The following SPI1 variants were observed in gnomAD, a reference collection of about 807,000 sequenced individuals.
The protein encoded by SPI1 is Spi-1 proto-oncogene.
Under a neutral mutation model 30.7 loss-of-function variants are expected in SPI1, and 3 were observed. That is an observed-to-expected ratio of 0.10 (90% CI 0.04 to 0.25). The LOEUF is 0.25. Ranked by LOEUF, SPI1 falls within the 10% of genes least tolerant of loss-of-function variation. The probability of loss-of-function intolerance (pLI) is 1.00; values close to 1 mark genes in which losing one functional copy is unlikely to be tolerated. For missense variants in SPI1, 261 were observed against 371.5 expected (o/e 0.70, Z 2.45); for synonymous variants, 169 against 157.1 (o/e 1.08, Z -0.56).
Position 47,370,036 on chromosome 11 carries a change from G to A in SPI1, c.142+5597C>T, listed in dbSNP as rs1333232176. ...CATGGTCACCCGGATAGCAATGGAGGAGATGGGGGATGAGTTTCAGCAGCC... is the reference window on the plus strand; with the variant it reads ...CATGGTCACCCGGATAGCAATGGAGAAGATGGGGGATGAGTTTCAGCAGCC... On this transcript the variant is annotated intron_variant, in intron 2 of 4. Transcript: ENST00000378538. Among the ~76,000 whole-genome samples, 6 of 152,228 alleles carry A rather than the reference G, an allele frequency of 3.9e-5. No homozygotes were observed. In the East Asian group the frequency reaches 1.2e-3, roughly 29 times the overall value.
intron 2 of SPI1, among the ~76,000 whole-genome samples, chr11:47,370,879 A>AGTGT (rs57400879): frequency 0.044 from 6,680 of 150,388 alleles, 263 homozygotes; most frequent in South Asian, 0.19. Context: ...GAGAAATGTG[A>AGTGT]GTGTGTGTGT....
At chr11:47,369,951 T>C (rs932163701) in intron 2 of SPI1, among the ~76,000 whole-genome samples, 4 of 152,228 alleles carry the variant, frequency 2.6e-5, no homozygotes, top group Non-Finnish European at 5.9e-5. Context: ...CTTACAGCCA[T>C]CCTGTGAAGT....
intron 4 of SPI1, among the ~76,000 whole-genome samples, chr11:47,356,138 A>G (rs1378227804): frequency 6.7e-6 from 1 of 150,150 alleles, no homozygotes; most frequent in Non-Finnish European, 1.5e-5. Flanking sequence ...CCACTTGCAC[A>G]TTCACACCCA....
Position 47,374,980 on chromosome 11 carries a change from G to A in SPI1, c.142+653C>T, listed in dbSNP as rs913769221. On this transcript the variant is annotated intron_variant, in intron 2 of 4. Transcript: ENST00000378538. The surrounding 1 kb of genome is among the most constrained non-coding windows in gnomAD (Gnocchi z 4.5). ...TTCGGCCCAGCAGTTCCCAATTAGG[G>A]GTGATTTTGCCTCCCGGGGGGATCT... 3.3e-5 allele frequency among the ~76,000 whole-genome samples: 5 copies of A among 152,244 alleles called. No individual in the cohort carries two copies. Among genetic ancestry groups the A allele is most frequent in the African/African-American group, 1.2e-4 (5 of 41,470 alleles).
At chr11:47,356,524 TC>T (rs1488268682) in intron 4 of SPI1, among the ~76,000 whole-genome samples, 1 of 14,918 alleles carries the variant, frequency 6.7e-5, no homozygotes, top group Non-Finnish European at 1.4e-4. Context: ...TCACACCTGC[TC>T]ACACACACCT....
chr11:47,358,140 C>A, intron 4 of SPI1: 1 of 208,660 alleles, frequency 4.8e-6, no homozygotes, highest in Non-Finnish European at 1.0e-5. Context: ...TGCTTACATA[C>A]ACCCTCAAAC....
intron 4 of SPI1, chr11:47,358,285 C>G (rs569405641): frequency 4.7e-5 from 23 of 485,638 alleles, no homozygotes; most frequent in Middle Eastern, 5.7e-4. Context: ...CACCCCCACT[C>G]ACACATATCA....
In SPI1 at chr11:47,359,791, C is replaced by T; in HGVS notation, c.330+62G>A. 6.4e-7 allele frequency: 1 copy of T among 1,558,702 alleles called. No homozygotes were observed. The highest frequency in any genetic ancestry group is 8.7e-7 in the Non-Finnish European group (1 of 1,147,648). On this transcript the variant is annotated intron_variant, in intron 3 of 4. Coordinates refer to ENST00000378538, the MANE Select transcript of SPI1 (RefSeq NM_003120.3). The surrounding 1 kb of genome is among the most constrained non-coding windows in gnomAD (Gnocchi z 5.1). ...GAGCCTGTGTCAGCTTCCTGTGAAG[C>T]TCCCGGGCCCCACCACAGGCCTGGC... is the stretch of plus-strand genomic sequence containing the variant.
chr11:47,368,796 A>G (rs924618616), intron 2 of SPI1, among the ~76,000 whole-genome samples: 11 of 152,220 alleles, frequency 7.2e-5, no homozygotes, highest in African/African-American at 2.7e-4. Context: ...CAGTGAATAC[A>G]GAGTCTCCGT....
rs3832728 is a variant in SPI1, at chr11:47,358,725, G to GCA, written c.493+117_493+118dup. The GCA allele has an allele frequency of 0.16, 151,172 of 940,472 alleles. 9,290 individuals are homozygous for GCA. The highest frequency in any genetic ancestry group is 0.34 in the East Asian group (12,738 of 37,158). 58.3% of individuals were successfully genotyped at this position (940,472 alleles called of 1,614,324 possible). A position where few individuals can be genotyped will look rare whatever the true frequency, so the allele number is the denominator to read the frequency against. ...ACAAAACACACACACTGGCAAACAT[G>GCA]CACACACACACACACGCGACTCGGT... On this transcript the variant is annotated intron_variant, in intron 4 of 4. Coordinates refer to ENST00000378538, the MANE Select transcript of SPI1 (RefSeq NM_003120.3).
intron 2 of SPI1, among the ~76,000 whole-genome samples, chr11:47,367,830 T>A (rs2095930647): frequency 7.5e-6 from 1 of 133,174 alleles, no homozygotes; most frequent in African/African-American, 2.9e-5. Context: ...CAATCTCAGC[T>A]CACTGCAAGC....
chr11:47,357,252 C>G (rs1212047399), intron 4 of SPI1, among the ~76,000 whole-genome samples: 1 of 150,278 alleles, frequency 6.7e-6, no homozygotes, highest in Non-Finnish European at 1.5e-5. Flanking sequence ...TCACACATAC[C>G]TGCTCACATA....
At chr11:47,362,091 T>G (rs2095921616) in intron 2 of SPI1, among the ~76,000 whole-genome samples, 1 of 152,162 alleles carries the variant, frequency 6.6e-6, no homozygotes, top group African/African-American at 2.4e-5. Flanking sequence ...ATTCTATTTC[T>G]CCAAGCCTGT....
At chr11:47,361,625 G>A (rs528815580) in intron 2 of SPI1, among the ~76,000 whole-genome samples, 51 of 152,304 alleles carry the variant, frequency 3.3e-4, no homozygotes, top group Non-Finnish European at 5.4e-4. Context: ...CAAAGAGGGC[G>A]CCTACGAGAC....
intron 1 of SPI1, among the ~76,000 whole-genome samples, chr11:47,376,777 A>G (rs538040323): frequency 7.9e-5 from 12 of 152,102 alleles, no homozygotes; most frequent in Non-Finnish European, 1.3e-4. Context: ...CCAGGATTGC[A>G]TAACAGTCAC....
chr11:47,363,744 C>A (rs1421539104), intron 2 of SPI1, among the ~76,000 whole-genome samples: 1 of 151,758 alleles, frequency 6.6e-6, no homozygotes, highest in Non-Finnish European at 1.5e-5. Flanking sequence ...GGGCAGATCA[C>A]CTAAGGTCAG....
Position 47,355,079 on chromosome 11 carries a change from T to TG in SPI1, c.*147dup. Reference sequence around the variant, plus strand: ...AGCGGGATGTGGAGGGGGCCTGGAGTGGGGGGAGGGGGCGGGTGAGGCGAG... The same window carrying TG: ...AGCGGGATGTGGAGGGGGCCTGGAGTGGGGGGGAGGGGGCGGGTGAGGCGAG... On this transcript the variant is annotated 3_prime_UTR_variant, in exon 5 of 5. Coordinates refer to ENST00000378538, the MANE Select transcript of SPI1 (RefSeq NM_003120.3). 1 of 307,974 alleles carries TG rather than the reference T, an allele frequency of 3.2e-6. No individual in the cohort carries two copies. The highest frequency in any genetic ancestry group is 4.5e-6 in the Non-Finnish European group (1 of 221,946). 19.1% of individuals were successfully genotyped at this position (307,974 alleles called of 1,614,324 possible). A position where few individuals can be genotyped will look rare whatever the true frequency, so the allele number is the denominator to read the frequency against.
chr11:47,358,573 TCA>T (rs1344138610), intron 4 of SPI1: 8 of 701,012 alleles, frequency 1.1e-5, no homozygotes, highest in Admixed American at 2.0e-5. Context: ...GCACACTTGC[TCA>T]CACACACCCA....
At chr11:47,358,554 G>T (rs1325400475) in intron 4 of SPI1, 5 of 695,302 alleles carry the variant, frequency 7.2e-6, no homozygotes, top group Non-Finnish European at 1.3e-5. Context: ...CTGTGCACAC[G>T]CACCCTCTGC....
Sources: gnomAD v4.1 joint callset for allele counts (sites outside exome capture counted in the v4.1 genomes callset) on GRCh38, gnomAD v4.1.1 for gene constraint, Gnocchi (gnomAD v3.1) non-coding constraint, MANE v1.5 for transcripts, NCBI Gene and HGNC (gene_info 2026-07-23, HGNC 2026-07-21) for gene names.